CFAP54: variants seen among roughly 807,000 people sequenced by gnomAD.
The protein encoded by CFAP54 is cilia and flagella associated protein 54.
A neutral mutation model predicts 370.4 loss-of-function variants in CFAP54; 290 were observed. That is an observed-to-expected ratio of 0.78 (90% CI 0.71 to 0.86). The LOEUF is 0.86. Ranked by LOEUF, CFAP54 falls within the 40% of genes least tolerant of loss-of-function variation. The pLI is 0.00. For synonymous variants in CFAP54, 1,206 were observed against 1,236.5 expected (o/e 0.98, Z 0.52); for missense variants, 3,399 against 3,528.7 (o/e 0.96, Z 0.93).
At chr12:96,827,018 AATTATATGTGATTATATATAATATGC>A (rs1428351951) in intron 65 of CFAP54, among the ~76,000 whole-genome samples, 1,404 of 134,134 alleles carry the variant, frequency 0.01, 34 homozygotes, top group African/African-American at 0.037. Flanking sequence ...TATAATATGC[AATTATATGTGATTATATATAATATGC>A]AATTATATGT....
chr12:96,656,384 G>GT (rs113583847), intron 36 of CFAP54, among the ~76,000 whole-genome samples: 15,540 of 148,564 alleles, frequency 0.1, 918 homozygotes, highest in Middle Eastern at 0.16. Context: ...AGCTTTGTTG[G>GT]TTTTTTTTTT....
chr12:96,691,030 T>C, intron 43 of CFAP54, 98 bp from the exon 44 acceptor site: 1 of 1,017,778 alleles, frequency 9.8e-7, no homozygotes, highest in Non-Finnish European at 1.5e-6. Flanking sequence ...AGGCATATAC[T>C]AAGCATTTTA....
intron 67 of CFAP54, among the ~76,000 whole-genome samples, chr12:96,874,699 G>A (rs1454811753): frequency 7.6e-6 from 1 of 131,610 alleles, no homozygotes; most frequent in Non-Finnish European, 1.6e-5. Context: ...GCGCGATCTC[G>A]GCTCACTGCA....
rs1185952413 is a variant in CFAP54, at chr12:96,500,740, T to TTTA, written c.318-93_318-91dup. The TTTA allele has an allele frequency of 1.8e-5, 14 of 761,594 alleles. No homozygotes were observed. The South Asian group carries it at 2.7e-4, about 15-fold the overall frequency. The allele number at this position is 761,594 out of a possible 1,614,324, so 47.2% of individuals were successfully genotyped here. A position where few individuals can be genotyped will look rare whatever the true frequency, so the allele number is the denominator to read the frequency against. ...TAACAATAAGGCACATTGGAAAGGC[T>TTTA]TTAGCATAAGGTAAGTTTTAAAGGA... is the stretch of plus-strand genomic sequence containing the variant. On this transcript the variant is annotated intron_variant, in intron 1 of 67. Coordinates refer to ENST00000524981, the MANE Select transcript of CFAP54 (RefSeq NM_001306084.2).
chr12:96,666,832 A>G (rs985063534), intron 39 of CFAP54, among the ~76,000 whole-genome samples: 4 of 152,134 alleles, frequency 2.6e-5, no homozygotes, highest in Non-Finnish European at 5.9e-5. Context: ...CAGTCCCCCA[A>G]AGTTTTAACT....
chr12:96,492,106 C>A lies in CFAP54; in HGVS notation c.317+2180C>A, dbSNP rs187378778. On this transcript the variant is annotated intron_variant, in intron 1 of 67. Coordinates refer to ENST00000524981, the MANE Select transcript of CFAP54 (RefSeq NM_001306084.2). ...TTTTTATCTTTGAACTTCATCTCCC[C>A]ATCTCCACTACCAGCGTTCCAGTCC... Among the ~76,000 whole-genome samples the A allele has an allele frequency of 2.2e-3, 332 of 152,252 alleles. 8 individuals carry two copies. The highest frequency in any genetic ancestry group is 1.9e-4 in the Non-Finnish European group (13 of 68,008).
chr12:96,857,762 C>G (rs1157293105), intron 66 of CFAP54, among the ~76,000 whole-genome samples: 1 of 152,086 alleles, frequency 6.6e-6, no homozygotes, highest in Admixed American at 6.6e-5. Flanking sequence ...TTTCTCCCAC[C>G]CCGCGAAGAG....
chr12:96,516,812 A>G (rs1430586468), intron 5 of CFAP54, among the ~76,000 whole-genome samples: 1 of 152,216 alleles, frequency 6.6e-6, no homozygotes. Context: ...GTACCATTAC[A>G]CAAACTTTAA....
chr12:96,767,808 A>G (rs1666769831), intron 60 of CFAP54, among the ~76,000 whole-genome samples: 1 of 152,198 alleles, frequency 6.6e-6, no homozygotes, highest in African/African-American at 2.4e-5. Context: ...GCATCCAGCA[A>G]AAAACCTCCT....
At chr12:96,831,951 A>C (rs974601750) in intron 66 of CFAP54, among the ~76,000 whole-genome samples, 1 of 152,208 alleles carries the variant, frequency 6.6e-6, no homozygotes, top group African/African-American at 2.4e-5. Context: ...AATCAAGCTT[A>C]AGTCTAATTT....
chr12:96,575,105 T>G (rs144896854), intron 19 of CFAP54, among the ~76,000 whole-genome samples: 1 of 152,156 alleles, frequency 6.6e-6, no homozygotes, highest in Non-Finnish European at 1.5e-5. Context: ...TTTTGTATTT[T>G]CATCCCTAAT....
intron 50 of CFAP54, among the ~76,000 whole-genome samples, chr12:96,721,221 A>G (rs7304906): frequency 0.016 from 2,376 of 152,312 alleles, 76 homozygotes; most frequent in African/African-American, 0.055. Flanking sequence ...CATTGACTTA[A>G]AATATTAAAA....
At chr12:96,673,760 T>C (rs1033715247) in intron 39 of CFAP54, among the ~76,000 whole-genome samples, 2 of 152,238 alleles carry the variant, frequency 1.3e-5, no homozygotes, top group African/African-American at 2.4e-5. Context: ...CCATCATAGA[T>C]TTTCTTTCGG....
chr12:96,677,742 T>C (rs867515353), intron 39 of CFAP54, among the ~76,000 whole-genome samples: 2 of 152,322 alleles, frequency 1.3e-5, no homozygotes, highest in Admixed American at 6.5e-5. Context: ...GTGTCAAGAC[T>C]GAATTTGCAG....
chr12:96,765,178 T>C lies in CFAP54; in HGVS notation c.8241T>C (p.Ala2747=). 6.5e-7 allele frequency: 1 copy of C among 1,542,592 alleles called. No homozygotes were observed. The highest frequency in any genetic ancestry group is 8.8e-7 in the Non-Finnish European group (1 of 1,131,740). ...CATTACCAAATATCCCAGAATTTGC[T>C]GCTCTGGATCTTTTGTCTTCGTATA... The part of the protein sequence containing the change: ...QVALPNIPEF[A]ALDLLSSYTD... Residue 2747 remains alanine (A), a synonymous_variant, in exon 60 of 68, where the codon GCT becomes GCC. Coordinates refer to ENST00000524981, the MANE Select transcript of CFAP54 (RefSeq NM_001306084.2).
At chr12:96,756,589 C>A in intron 57 of CFAP54, 26 bp downstream of exon 57, 1 of 1,483,822 alleles carries the variant, frequency 6.7e-7, no homozygotes. Context: ...ATTGTTGTAG[C>A]TGTGTGTGTT....
intron 66 of CFAP54, among the ~76,000 whole-genome samples, chr12:96,830,777 CA>C (rs1234779679): frequency 1.3e-5 from 2 of 152,086 alleles, no homozygotes; most frequent in Non-Finnish European, 2.9e-5. Flanking sequence ...TTGCTGGGTT[CA>C]AGTGATTCTC....
chr12:96,703,567 C>T (rs1015875490), intron 46 of CFAP54, among the ~76,000 whole-genome samples: 9 of 151,934 alleles, frequency 5.9e-5, no homozygotes, highest in African/African-American at 2.2e-4. Flanking sequence ...AAGAGAGATG[C>T]ATCCTACTAG....
intron 22 of CFAP54, among the ~76,000 whole-genome samples, chr12:96,586,779 C>T (rs939303197): frequency 1.2e-4 from 18 of 152,066 alleles, no homozygotes; most frequent in African/African-American, 2.9e-4. Context: ...AAGTGGACAG[C>T]GATTGGACAG....
Sources: gnomAD v4.1 joint callset for allele counts (sites outside exome capture counted in the v4.1 genomes callset) on GRCh38, gnomAD v4.1.1 for gene constraint, MANE v1.5 for transcripts, NCBI Gene and HGNC (gene_info 2026-07-23, HGNC 2026-07-21) for gene names.